LRCH3: variants seen among roughly 807,000 people sequenced by gnomAD.
LRCH3 encodes leucine rich repeats and calponin homology domain containing 3, also known as DISP complex protein LRCH3.
A neutral mutation model predicts 104.5 loss-of-function variants in LRCH3; 68 were observed. The ratio of observed to expected loss-of-function variants is 0.65; its 90% CI spans 0.54 to 0.80. The LOEUF is 0.80. Ranked by LOEUF, LRCH3 falls within the 30% of genes least tolerant of loss-of-function variation. The probability of loss-of-function intolerance (pLI) is 0.00; values close to 1 mark genes in which losing one functional copy is unlikely to be tolerated. For missense variants in LRCH3, 951 were observed against 953.9 expected, an observed-to-expected ratio of 1.00 and a Z score of 0.04; for synonymous variants, 344 against 361.3, an observed-to-expected ratio of 0.95 and a Z score of 0.54.
chr3:197,835,908 TTTG>T (rs1422579942), intron 9 of LRCH3, 86 bp downstream of exon 9: 1 of 1,375,110 alleles, frequency 7.3e-7, no homozygotes, highest in Admixed American at 2.0e-5. Context: ...ATATCAGTGA[TTTG>T]TTGACTGAAG....
At chr3:197,858,672 C>A (rs1312525961) in intron 14 of LRCH3, 162 bp from the exon 15 acceptor site, 5 of 644,354 alleles carry the variant, frequency 7.8e-6, no homozygotes, top group African/African-American at 7.3e-5. Context: ...GGGTTTTTGT[C>A]CCCCAAATAT....
At chr3:197,862,444 G>GT (rs1395208013) in intron 15 of LRCH3, among the ~76,000 whole-genome samples, 2 of 151,692 alleles carry the variant, frequency 1.3e-5, no homozygotes, top group Non-Finnish European at 2.9e-5. Flanking sequence ...AATAGGAAGT[G>GT]TTTTTTAAAT....
intron 9 of LRCH3, 21 bp from the exon 10 acceptor site, chr3:197,839,300 T>C: frequency 6.5e-7 from 1 of 1,531,546 alleles, no homozygotes; most frequent in Non-Finnish European, 8.9e-7. Context: ...TAAATTTATT[T>C]ATTTCTGTCC....
At chr3:197,845,545 C>G (rs1403448445) in intron 10 of LRCH3, among the ~76,000 whole-genome samples, 1 of 152,030 alleles carries the variant, frequency 6.6e-6, no homozygotes, top group Non-Finnish European at 1.5e-5. Flanking sequence ...TACTGTCATT[C>G]ATTCAAGCAA....
intron 15 of LRCH3, among the ~76,000 whole-genome samples, chr3:197,863,578 T>C (rs115570995): frequency 3.1e-4 from 47 of 152,296 alleles, no homozygotes; most frequent in African/African-American, 1.1e-3. Context: ...TTTTCTTAAC[T>C]GTACTCCCCT....
intron 5 of LRCH3, among the ~76,000 whole-genome samples, chr3:197,829,117 G>A (rs770681865): frequency 6.6e-6 from 1 of 152,158 alleles, no homozygotes; most frequent in Non-Finnish European, 1.5e-5. Context: ...GGGACAAGTA[G>A]CAACAGAAAT....
At chr3:197,816,717 T>C (rs1177166025) in intron 2 of LRCH3, among the ~76,000 whole-genome samples, 1 of 152,236 alleles carries the variant, frequency 6.6e-6, no homozygotes, top group African/African-American at 2.4e-5. Flanking sequence ...AGCTACATTT[T>C]CACCATTTAT....
chr3:197,808,403 G>A (rs1412432180), intron 1 of LRCH3, among the ~76,000 whole-genome samples: 2 of 152,132 alleles, frequency 1.3e-5, no homozygotes, highest in African/African-American at 2.4e-5. Context: ...AAACTCATAC[G>A]CTGTGTCCTT....
intron 1 of LRCH3, among the ~76,000 whole-genome samples, chr3:197,794,656 T>C (rs1487882845): frequency 1.3e-5 from 2 of 152,212 alleles, no homozygotes; most frequent in South Asian, 2.1e-4. Context: ...TAATTAGACA[T>C]GATTTTGAAC....
Position 197,886,188 on chromosome 3 carries a change from A to C in LRCH3, c.*2522A>C, listed in dbSNP as rs1246570759. ...ACCCTGTCTCCCAAAAATTAAAAAA[A>C]AAAAAAAAAAACCAGGTGTGGTGGC... On this transcript the variant is annotated 3_prime_UTR_variant, in exon 21 of 21. Coordinates refer to ENST00000425562, the MANE Select transcript of LRCH3 (RefSeq NM_001365715.1). 6.6e-6 allele frequency: 1 copy of C among 151,730 alleles called. No individual in the cohort carries two copies. The highest frequency in any genetic ancestry group is 1.5e-5 in the Non-Finnish European group (1 of 68,024). 9.4% of individuals were successfully genotyped at this position (151,730 alleles called of 1,614,324 possible).
intron 1 of LRCH3, among the ~76,000 whole-genome samples, chr3:197,799,041 G>T (rs1167357504): frequency 6.6e-6 from 1 of 152,178 alleles, no homozygotes; most frequent in Non-Finnish European, 1.5e-5. Flanking sequence ...GAAGGGAAGG[G>T]GAGGTAGTAG....
intron 2 of LRCH3, among the ~76,000 whole-genome samples, chr3:197,816,150 T>A (rs1224644491): frequency 1.3e-5 from 2 of 152,184 alleles, no homozygotes; most frequent in African/African-American, 4.8e-5. Context: ...GTTACTGGAT[T>A]AAAAAGTGTG....
intron 1 of LRCH3, among the ~76,000 whole-genome samples, chr3:197,805,829 A>G (rs1732419298): frequency 6.6e-6 from 1 of 152,142 alleles, no homozygotes; most frequent in Admixed American, 6.6e-5. Context: ...TACTTACAGA[A>G]CCCAAATGAA....
chr3:197,881,065 C>T, intron 20 of LRCH3: 3 of 1,108,096 alleles, frequency 2.7e-6, no homozygotes, highest in Non-Finnish European at 3.3e-6. Context: ...ATTTCCAAGT[C>T]ACACAATACA....
intron 20 of LRCH3, chr3:197,880,533 G>A (rs1283563020): frequency 2.0e-5 from 30 of 1,535,954 alleles, no homozygotes; most frequent in Non-Finnish European, 2.4e-5. Flanking sequence ...TTCCCCTTCC[G>A]ACATCCTTCA....
chr3:197,832,302 G>T lies in LRCH3; in HGVS notation c.1087G>T (p.Val363Leu), dbSNP rs1443280763. 1.2e-6 allele frequency: 2 copies of T among 1,613,646 alleles called. No homozygotes were observed. Among genetic ancestry groups the T allele is most frequent in the Non-Finnish European group, 1.7e-6 (2 of 1,179,636 alleles). Residue 363 changes from valine (V) to leucine (L), a missense_variant, in exon 8 of 21, where the codon GTA becomes TTA. Val to Leu is a conservative substitution (Grantham distance 32). Coordinates refer to ENST00000425562, the MANE Select transcript of LRCH3 (RefSeq NM_001365715.1). ...QYQENRGSLV[V>L]TNGGVEHDLD... ...CCAAGAGAACCGCGGCAGTTTGGTA[G>T]TAACAAACGGCGGAGGTAAACATAA...
At chr3:197,850,755 A>C (rs913281348) in intron 12 of LRCH3, 4 of 1,288,156 alleles carry the variant, frequency 3.1e-6, no homozygotes, top group Non-Finnish European at 3.4e-6. Context: ...ACACCTGCCA[A>C]CTCCATCATT....
intron 4 of LRCH3, 50 bp from the exon 5 acceptor site, chr3:197,826,828 C>G (rs749482099): frequency 8.1e-6 from 13 of 1,606,566 alleles, no homozygotes; most frequent in South Asian, 4.4e-5. Context: ...TAAAAATTCT[C>G]TAGTTGTAAA....
chr3:197,875,674 C>A, intron 19 of LRCH3, 24 bp from the exon 20 acceptor site: 4 of 1,519,276 alleles, frequency 2.6e-6, no homozygotes, highest in Non-Finnish European at 3.5e-6. Flanking sequence ...TCTCTAGTAA[C>A]ACATTTTCTT....
Sources: gnomAD v4.1 joint callset for allele counts (sites outside exome capture counted in the v4.1 genomes callset) on GRCh38, gnomAD v4.1.1 for gene constraint, MANE v1.5 for transcripts, NCBI Gene and HGNC (gene_info 2026-07-23, HGNC 2026-07-21) for gene names.